The following ST6GAL1 variants were observed in gnomAD, a reference collection of about 807,000 sequenced individuals.
The protein encoded by ST6GAL1 is ST6 beta-galactoside alpha-2,6-sialyltransferase 1.
In ST6GAL1, 20 loss-of-function variants were observed where a neutral mutation model predicts 38.0. The observed-to-expected ratio is 0.53, with a 90% CI of 0.37 to 0.77. The LOEUF is 0.77. Among genes scored for constraint, ST6GAL1 ranks in the 30% least tolerant of loss-of-function variants. The probability of loss-of-function intolerance (pLI) is 0.00; values close to 1 mark genes in which losing one functional copy is unlikely to be tolerated. For synonymous variants in ST6GAL1, 196 were observed against 188.2 expected (o/e 1.04, Z -0.34); for missense variants, 432 against 496.4 (o/e 0.87, Z 1.23).
At chr3:186,937,175 A>G (rs1713990466) in intron 1 of ST6GAL1, among the ~76,000 whole-genome samples, 1 of 151,992 alleles carries the variant, frequency 6.6e-6, no homozygotes, top group Non-Finnish European at 1.5e-5. Flanking sequence ...ACCTTCCCAT[A>G]TATACATTTC....
chr3:186,967,318 A>G (rs1715173659), intron 2 of ST6GAL1, among the ~76,000 whole-genome samples: 2 of 152,092 alleles, frequency 1.3e-5, no homozygotes, highest in Non-Finnish European at 2.9e-5. Context: ...CAGCCTCCCA[A>G]GTAGCTGAGA....
intron 1 of ST6GAL1, among the ~76,000 whole-genome samples, chr3:186,951,514 CAA>C (rs927066802): frequency 3.3e-5 from 5 of 152,174 alleles, no homozygotes; most frequent in African/African-American, 1.2e-4. Flanking sequence ...CTAACGAAAT[CAA>C]AGTCTTTGTG....
intron 2 of ST6GAL1, among the ~76,000 whole-genome samples, chr3:187,016,558 G>A (rs865887093): frequency 1.3e-5 from 2 of 152,190 alleles, no homozygotes; most frequent in South Asian, 2.1e-4. Context: ...GCAGTTCGAG[G>A]TTGAGATGAA....
At chr3:187,060,810 CT>C (rs1718890859) in intron 5 of ST6GAL1, among the ~76,000 whole-genome samples, 1 of 152,160 alleles carries the variant, frequency 6.6e-6, no homozygotes, top group African/African-American at 2.4e-5. Context: ...GTTTCACTCT[CT>C]GCAGTTTCAT....
chr3:186,950,540 C>T (rs1416948603), intron 1 of ST6GAL1, among the ~76,000 whole-genome samples: 2 of 152,206 alleles, frequency 1.3e-5, no homozygotes, highest in African/African-American at 4.8e-5. Flanking sequence ...ACTGCAAAGG[C>T]AGAGCTCACT....
chr3:186,943,908 G>A (rs545931726), intron 1 of ST6GAL1, among the ~76,000 whole-genome samples: 3 of 152,380 alleles, frequency 2.0e-5, no homozygotes, highest in African/African-American at 7.2e-5. Context: ...TGCAGAGGCA[G>A]GCTGTGAAAG....
At chr3:187,015,000 A>T (rs1717071621) in intron 2 of ST6GAL1, among the ~76,000 whole-genome samples, 1 of 152,230 alleles carries the variant, frequency 6.6e-6, no homozygotes, top group Non-Finnish European at 1.5e-5. Flanking sequence ...CCACGAATAA[A>T]AGGCAGTAGG....
In ST6GAL1 at chr3:187,067,000, G is replaced by A. The variant is rs116210370; in HGVS notation, c.706-5849G>A. Among the ~76,000 whole-genome samples, 690 of 150,866 alleles carry A rather than the reference G, an allele frequency of 4.6e-3. 5 individuals carry two copies. The highest frequency in any genetic ancestry group is 0.016 in the African/African-American group (661 of 41,250). ...TGGTCCATCTAATACCATGGAGTGA[G>A]TTAGACACAGAGCAGGACTGGAACC... On this transcript the variant is annotated intron_variant, in intron 5 of 7. Coordinates refer to ENST00000169298, the MANE Select transcript of ST6GAL1 (RefSeq NM_173216.2).
chr3:187,017,218 G>C (rs1717145423), intron 2 of ST6GAL1, among the ~76,000 whole-genome samples: 1 of 152,134 alleles, frequency 6.6e-6, no homozygotes, highest in South Asian at 2.1e-4. Context: ...GGCTGAACTG[G>C]TGTTGCCCTT....
chr3:186,957,982 G>T (rs1020301191), intron 1 of ST6GAL1, among the ~76,000 whole-genome samples: 1 of 151,352 alleles, frequency 6.6e-6, no homozygotes, highest in Non-Finnish European at 1.5e-5. Context: ...CTTCCTTTAA[G>T]CACAGAAAGC....
intron 5 of ST6GAL1, among the ~76,000 whole-genome samples, chr3:187,054,948 G>T (rs1416175172): frequency 6.6e-6 from 1 of 152,112 alleles, no homozygotes; most frequent in African/African-American, 2.4e-5. Context: ...GGTTGGTTAG[G>T]CTATTAGTTA....
rs1714287600 is a variant in ST6GAL1 at position 186,944,472 on chromosome 3, G to GAATATGGGGT, written c.-325+13639_-325+13640insATATGGGGTA. Among the ~76,000 whole-genome samples the GAATATGGGGT allele has an allele frequency of 2.0e-5, 3 of 152,206 alleles. No individual in the cohort carries two copies. In the South Asian group the frequency reaches 6.2e-4, roughly 31 times the overall value. The stretch of plus-strand genomic sequence containing the variant: ...GGTTAGAGTTGGCTCTCGGGTAGGA[G>GAATATGGGGT]AGGCAGTATGGGGAATTCATTCATG... On this transcript the variant is annotated intron_variant, in intron 1 of 7. Transcript: ENST00000169298.
In ST6GAL1 at chr3:187,077,857, C is replaced by G. The variant is rs1472738788; in HGVS notation, c.*2054C>G. ...CTTATTGGGAGACAACAACTGTCCT[C>G]CTTGGAACACCCAAGAAACCATGCA... On this transcript the variant is annotated 3_prime_UTR_variant, in exon 8 of 8. Coordinates refer to ENST00000169298, the MANE Select transcript of ST6GAL1 (RefSeq NM_173216.2). 1 of 152,538 alleles carries G rather than the reference C, an allele frequency of 6.6e-6. No individual in the cohort carries two copies. Among genetic ancestry groups the G allele is most frequent in the Non-Finnish European group, 1.5e-5 (1 of 68,114 alleles). 9.4% of individuals were successfully genotyped at this position (152,538 alleles called of 1,614,324 possible).
At chr3:187,066,114 G>T (rs544725825) in intron 5 of ST6GAL1, among the ~76,000 whole-genome samples, 1 of 152,128 alleles carries the variant, frequency 6.6e-6, no homozygotes, top group African/African-American at 2.4e-5. Context: ...CATCAACAAC[G>T]GGTCTAAAAC....
intron 1 of ST6GAL1, among the ~76,000 whole-genome samples, chr3:186,946,071 C>T (rs1019604095): frequency 2.0e-5 from 3 of 150,790 alleles, no homozygotes; most frequent in Non-Finnish European, 2.9e-5. Flanking sequence ...CTTTGGGAGG[C>T]CAAGCGGGTG....
At chr3:187,051,017 G>T (rs1379105366) in intron 4 of ST6GAL1, among the ~76,000 whole-genome samples, 1 of 152,192 alleles carries the variant, frequency 6.6e-6, no homozygotes, top group Non-Finnish European at 1.5e-5. Context: ...TTTCAGGAAT[G>T]CCACAGTATG....
intron 2 of ST6GAL1, among the ~76,000 whole-genome samples, chr3:187,005,287 T>C (rs1219630297): frequency 6.8e-6 from 1 of 146,364 alleles, no homozygotes; most frequent in East Asian, 2.1e-4. Context: ...TTTTTTTTTT[T>C]TTTTTGAGAC....
At chr3:186,966,175 C>T (rs1435700052) in intron 2 of ST6GAL1, among the ~76,000 whole-genome samples, 1 of 152,160 alleles carries the variant, frequency 6.6e-6, no homozygotes, top group African/African-American at 2.4e-5. Flanking sequence ...GCTGGGATTA[C>T]AGGTGTGAGC....
chr3:187,030,860 A>G (rs936117866), intron 2 of ST6GAL1, among the ~76,000 whole-genome samples: 2 of 152,320 alleles, frequency 1.3e-5, no homozygotes, highest in African/African-American at 2.4e-5. Flanking sequence ...CATTCAGTGT[A>G]TCCAACAGGC....
Sources: gnomAD v4.1 joint callset for allele counts (sites outside exome capture counted in the v4.1 genomes callset) on GRCh38, gnomAD v4.1.1 for gene constraint, MANE v1.5 for transcripts, NCBI Gene and HGNC (gene_info 2026-07-23, HGNC 2026-07-21) for gene names.